Variants in NCALD observed in about 807,000 individuals in gnomAD.
NCALD encodes the protein neurocalcin-delta.
Under a neutral mutation model 18.6 loss-of-function variants are expected in NCALD, and 10 were observed. The observed-to-expected ratio is 0.54, with a 90% confidence interval of 0.33 to 0.91. The LOEUF (loss-of-function observed/expected upper bound fraction) is 0.91, where lower values mean the gene tolerates loss of function less well. NCALD is among the 40% of genes least tolerant of loss of function. NCALD has a pLI of 0.03. For missense variants in NCALD, 184 were observed against 247.6 expected (o/e 0.74, Z 1.72); for synonymous variants, 88 against 87.4 (o/e 1.01, Z -0.04).
intron 1 of NCALD, among the ~76,000 whole-genome samples, chr8:102,095,111 C>T (rs745842885): frequency 1.3e-5 from 2 of 152,252 alleles, no homozygotes; most frequent in East Asian, 1.9e-4. Flanking sequence ...TTAGCAATAA[C>T]GTATGTTTTG....
At chr8:101,934,737 G>A (rs1347811729) in intron 2 of NCALD, among the ~76,000 whole-genome samples, 3 of 152,120 alleles carry the variant, frequency 2.0e-5, no homozygotes, top group Non-Finnish European at 4.4e-5. Context: ...TGGAGGCAGC[G>A]TGCTGCACTT....
intron 4 of NCALD, among the ~76,000 whole-genome samples, chr8:101,857,785 A>C (rs2131356131): frequency 6.6e-6 from 1 of 152,348 alleles, no homozygotes; most frequent in East Asian, 1.9e-4. Context: ...GCAATGAATA[A>C]GGTGGCCAAC....
chr8:101,816,909 C>T (rs996124824), intron 4 of NCALD, among the ~76,000 whole-genome samples: 1 of 152,056 alleles, frequency 6.6e-6, no homozygotes, highest in Non-Finnish European at 1.5e-5. Context: ...GTAAATGAGA[C>T]ATCTCTGCAT....
At chr8:101,809,785 T>G (rs764689109) in intron 4 of NCALD, among the ~76,000 whole-genome samples, 18 of 152,194 alleles carry the variant, frequency 1.2e-4, no homozygotes, top group Non-Finnish European at 2.2e-4. Context: ...TCTCAAGTGA[T>G]CTGCCTGCCT....
At chr8:101,910,737 C>T (rs564297911) in intron 3 of NCALD, among the ~76,000 whole-genome samples, 7 of 152,130 alleles carry the variant, frequency 4.6e-5, no homozygotes, top group African/African-American at 1.4e-4. Context: ...GGTGAGTGTA[C>T]CAGATTTCTA....
chr8:101,976,369 C>CTAATAA (rs1378427162), intron 2 of NCALD, among the ~76,000 whole-genome samples: 6 of 152,226 alleles, frequency 3.9e-5, no homozygotes, highest in Admixed American at 3.9e-4. Context: ...GATTGGGGAC[C>CTAATAA]CCCCGACTAA....
intron 3 of NCALD, 131 bp downstream of exon 3, chr8:101,692,660 C>G: frequency 7.2e-7 from 1 of 1,391,198 alleles, no homozygotes; most frequent in South Asian, 1.4e-5. Flanking sequence ...CTCTCCCCTC[C>G]TACCCACCCA....
chr8:101,871,180 T>C (rs1410793188), intron 4 of NCALD, among the ~76,000 whole-genome samples: 3 of 152,142 alleles, frequency 2.0e-5, no homozygotes, highest in Non-Finnish European at 4.4e-5. Flanking sequence ...GCTTCTTGTC[T>C]TTTGGCTGAA....
chr8:101,819,267 ATTTATTTAT>A lies in NCALD; in HGVS notation c.-20+67865_-20+67873del, dbSNP rs1563799007. Reference sequence around the variant, plus strand: ...TGTTTACTTATAAATACATAACTTTATTTATTTATTTATTTATTTATTTATTTATTTATT... The same window carrying A: ...TGTTTACTTATAAATACATAACTTTATTATTTATTTATTTATTTATTTATT... On this transcript the variant is annotated intron_variant, in intron 4 of 6. Coordinates refer to the NCALD transcript ENST00000311028. Among the ~76,000 whole-genome samples, 960 of 147,586 alleles carry A rather than the reference ATTTATTTAT, an allele frequency of 6.5e-3. 14 individuals are homozygous for A. Among genetic ancestry groups the A allele is most frequent in the African/African-American group, 0.019 (774 of 39,710 alleles).
intron 4 of NCALD, among the ~76,000 whole-genome samples, chr8:101,863,360 A>G (rs184004711): frequency 2.0e-5 from 3 of 152,312 alleles, no homozygotes; most frequent in Admixed American, 6.5e-5. Flanking sequence ...CCATTTGCCA[A>G]CTTGGCCTCT....
chr8:102,075,328 A>C (rs907051111), intron 1 of NCALD, among the ~76,000 whole-genome samples: 1 of 152,206 alleles, frequency 6.6e-6, no homozygotes, highest in Non-Finnish European at 1.5e-5. Context: ...TTACATTTAC[A>C]TAATACTATA....
intron 2 of NCALD, among the ~76,000 whole-genome samples, chr8:101,995,351 T>A (rs1475592415): frequency 6.6e-6 from 1 of 152,194 alleles, no homozygotes; most frequent in African/African-American, 2.4e-5. Flanking sequence ...GACACATATT[T>A]TATTCAGCCA....
At chr8:101,962,082 A>G (rs150747533) in intron 2 of NCALD, among the ~76,000 whole-genome samples, 27 of 152,272 alleles carry the variant, frequency 1.8e-4, no homozygotes, top group African/African-American at 6.3e-4. Flanking sequence ...TGGCTTATTC[A>G]TTTTGTTATT....
At chr8:102,009,644 G>C (rs1402627374) in intron 2 of NCALD, among the ~76,000 whole-genome samples, 1 of 152,194 alleles carries the variant, frequency 6.6e-6, no homozygotes, top group East Asian at 1.9e-4. Context: ...ATGCTTAAGA[G>C]AAGTTTTGAA....
At chr8:102,077,207 T>G (rs1824375065) in intron 1 of NCALD, among the ~76,000 whole-genome samples, 1 of 152,108 alleles carries the variant, frequency 6.6e-6, no homozygotes, top group Non-Finnish European at 1.5e-5. Context: ...GGGTGAAAGG[T>G]TCATTCCAAC....
intron 1 of NCALD, among the ~76,000 whole-genome samples, chr8:101,757,666 T>G (rs887637611): frequency 1.5e-4 from 22 of 151,320 alleles, no homozygotes; most frequent in Non-Finnish European, 2.1e-4. Flanking sequence ...GATGGTAGGG[T>G]TTTTTTTTAA....
intron 1 of NCALD, among the ~76,000 whole-genome samples, chr8:102,121,467 T>C (rs889629582): frequency 1.3e-5 from 2 of 152,176 alleles, no homozygotes; most frequent in African/African-American, 4.8e-5. Flanking sequence ...AGAGCTTTGG[T>C]GACTGCAGAT....
At chr8:101,760,694 A>G (rs559794139) in intron 1 of NCALD, among the ~76,000 whole-genome samples, 31 of 152,328 alleles carry the variant, frequency 2.0e-4, no homozygotes, top group Non-Finnish European at 4.3e-4. Flanking sequence ...GTGTGGCTAT[A>G]GCCTATGTTA....
At chr8:101,809,139 C>T (rs543986284) in intron 4 of NCALD, among the ~76,000 whole-genome samples, 2 of 152,238 alleles carry the variant, frequency 1.3e-5, no homozygotes, top group Admixed American at 1.3e-4. Flanking sequence ...TGGAAAACAG[C>T]TCTTTATTTC....
Sources: allele counts gnomAD v4.1 joint callset (sites outside exome capture counted in the v4.1 genomes callset), GRCh38; gene constraint gnomAD v4.1.1; transcripts MANE v1.5; gene names NCBI Gene and HGNC (gene_info 2026-07-23, HGNC 2026-07-21).